PJA2: variants seen among roughly 807,000 people sequenced by gnomAD.
PJA2 encodes the protein E3 ubiquitin-protein ligase Praja-2.
A neutral mutation model predicts 69.3 loss-of-function variants in PJA2; 25 were observed. The observed-to-expected ratio is 0.36, with a 90% CI of 0.26 to 0.50. PJA2 has a LOEUF of 0.50. PJA2 is among the 20% of genes least tolerant of loss of function. The probability of loss-of-function intolerance (pLI) is 0.96; values close to 1 mark genes in which losing one functional copy is unlikely to be tolerated. For synonymous variants in PJA2, 308 were observed against 277.8 expected (o/e 1.11, Z -1.08); for missense variants, 809 against 830.2 (o/e 0.97, Z 0.31).
intron 5 of PJA2, among the ~76,000 whole-genome samples, chr5:109,365,179 C>T (rs2126999906): frequency 1.3e-5 from 2 of 152,270 alleles, no homozygotes; most frequent in African/African-American, 4.8e-5. Context: ...TTTTCTTCAG[C>T]ATTACTCACA....
At chr5:109,346,620 C>T (rs892054797) in intron 7 of PJA2, among the ~76,000 whole-genome samples, 3 of 152,144 alleles carry the variant, frequency 2.0e-5, no homozygotes, top group African/African-American at 7.2e-5. Context: ...CATGGATGAA[C>T]CTTGAAGACA....
chr5:109,358,691 C>G (rs528492941), intron 6 of PJA2, among the ~76,000 whole-genome samples: 2 of 152,216 alleles, frequency 1.3e-5, no homozygotes, highest in Admixed American at 1.3e-4. Context: ...ATTGGTAGCT[C>G]ATGCTTGTAG....
At position 109,353,824 on chromosome 5, in the gene PJA2, TGATATCTAGA is replaced by T. The variant is rs1394025813; in HGVS notation, c.1764+2081_1764+2090del. On this transcript the variant is annotated intron_variant, in intron 7 of 9. Transcript: ENST00000361189. ...GAGATATCTATAGATTAGATGTCTATGATATCTAGAGATATCTATAGATTAGATGTCTATG... is the reference window on the plus strand; with the variant it reads ...GAGATATCTATAGATTAGATGTCTATGATATCTATAGATTAGATGTCTATG... 2.2e-4 allele frequency among the ~76,000 whole-genome samples: 26 copies of T among 118,796 alleles called. No homozygotes were observed. The East Asian group carries it at 6.4e-3, about 29-fold the overall frequency. The allele number at this position is 118,796 out of a possible 152,430, so 77.9% of individuals were successfully genotyped here.
At chr5:109,341,534 G>A (rs1231310937) in intron 9 of PJA2, among the ~76,000 whole-genome samples, 27 of 135,798 alleles carry the variant, frequency 2.0e-4, no homozygotes, top group Admixed American at 1.4e-4. Context: ...CAGCCACCCC[G>A]TCCGGGAGGG....
At chr5:109,339,091 A>C (rs1254038488) in intron 9 of PJA2, among the ~76,000 whole-genome samples, 1 of 143,782 alleles carries the variant, frequency 7.0e-6, no homozygotes, top group East Asian at 2.2e-4. Context: ...GCAAGTGTAC[A>C]GAAAAGTAAA....
intron 9 of PJA2, among the ~76,000 whole-genome samples, chr5:109,341,880 G>A (rs1268911398): frequency 0.01 from 544 of 53,160 alleles, no homozygotes; most frequent in African/African-American, 0.017. Flanking sequence ...AGGTGGGGGG[G>A]TGAGCCCTCC....
At chr5:109,342,747 T>G (rs1351292227) in intron 9 of PJA2, among the ~76,000 whole-genome samples, 20 of 102,590 alleles carry the variant, frequency 1.9e-4, no homozygotes, top group Non-Finnish European at 3.0e-4. Context: ...GTCCGGGAGG[T>G]GAGGGGCGCC....
intron 1 of PJA2, among the ~76,000 whole-genome samples, chr5:109,399,670 A>T (rs1396674945): frequency 6.6e-6 from 1 of 152,196 alleles, no homozygotes; most frequent in South Asian, 2.1e-4. Context: ...ATTTGCCACA[A>T]TCTCTACTGT....
chr5:109,406,474 A>C (rs1415382962), intron 1 of PJA2, among the ~76,000 whole-genome samples: 2 of 152,220 alleles, frequency 1.3e-5, no homozygotes, highest in African/African-American at 4.8e-5. Flanking sequence ...CCAGTATGAT[A>C]CTACTATATA....
chr5:109,346,893 G>C (rs755584429), intron 7 of PJA2, among the ~76,000 whole-genome samples: 17 of 152,078 alleles, frequency 1.1e-4, no homozygotes, highest in Non-Finnish European at 2.4e-4. Flanking sequence ...GAACAAGCCA[G>C]GTTTCCCATA....
intron 1 of PJA2, among the ~76,000 whole-genome samples, chr5:109,387,224 GTTC>G (rs775635825): frequency 2.0e-4 from 31 of 151,904 alleles, no homozygotes; most frequent in Admixed American, 7.2e-4. Flanking sequence ...TTTAATAGTA[GTTC>G]TTGTGTTATG....
chr5:109,356,804 T>C (rs1762419866), intron 6 of PJA2, among the ~76,000 whole-genome samples: 1 of 152,182 alleles, frequency 6.6e-6, no homozygotes, highest in South Asian at 2.1e-4. Flanking sequence ...TCCATTATTA[T>C]ACAGCTTGAA....
chr5:109,394,894 T>C (rs1346311515), intron 1 of PJA2, among the ~76,000 whole-genome samples: 1 of 152,108 alleles, frequency 6.6e-6, no homozygotes, highest in Non-Finnish European at 1.5e-5. Flanking sequence ...CAAATAAAAA[T>C]GTCTTAACTC....
chr5:109,409,623 G>C (rs1747782057), intron 1 of PJA2, among the ~76,000 whole-genome samples: 1 of 151,966 alleles, frequency 6.6e-6, no homozygotes, highest in African/African-American at 2.4e-5. Context: ...AGCGCGGCCC[G>C]GGTCCGGGCT....
rs761324847 is a variant in PJA2 at position 109,344,303 on chromosome 5, G to C, written c.1888C>G (p.Gln630Glu). 6.3e-7 allele frequency: 1 copy of C among 1,588,216 alleles called. No individual in the cohort carries two copies. The highest frequency in any genetic ancestry group is 8.5e-7 in the Non-Finnish European group (1 of 1,171,252). The stretch of plus-strand genomic sequence containing the variant: ...CAACAGATTGGACAGCATTGTTCCT[G>C]ACCAATAGCTGAAAACAACAAATAA... ...LVLEDHTAIG[Q>E]EQCCPICCSE... The change falls in exon 9 of 10, where the codon CAG becomes GAG. Residue 630 changes from glutamine (Q) to glutamate (E), a missense_variant. Physicochemically the swap from Gln to Glu is conservative, Grantham distance 29 (BLOSUM62 2). Around this residue, in one of 4 missense-constraint regions of PJA2, gnomAD observed 55 missense variants for 90.7 expected, o/e 0.61. Coordinates refer to ENST00000361189, the MANE Select transcript of PJA2 (RefSeq NM_014819.5).
chr5:109,368,516 C>G, intron 5 of PJA2, 45 bp downstream of exon 5: 1 of 1,533,384 alleles, frequency 6.5e-7, no homozygotes. Context: ...AAATATACCA[C>G]TCTTGTACAA....
At chr5:109,381,736 C>G in intron 2 of PJA2, 33 bp from the exon 3 acceptor site, 1 of 1,589,610 alleles carries the variant, frequency 6.3e-7, no homozygotes, top group Non-Finnish European at 8.6e-7. Context: ...AAAACAGGAA[C>G]AGCAATGAGC....
In PJA2 at chr5:109,379,243, A is replaced by C. The variant is rs752994656; in HGVS notation, c.244T>G (p.Leu82Val). The C allele has an allele frequency of 1.7e-5, 27 of 1,603,510 alleles. No homozygotes were observed. Among genetic ancestry groups the C allele is most frequent in the Non-Finnish European group, 2.0e-5 (23 of 1,176,014 alleles). The change falls in exon 4 of 10, where the codon TTG (leucine) becomes GTG (valine). Residue 82 changes from leucine (L) to valine (V), a missense_variant. Physicochemically the swap from Leu to Val is conservative, Grantham distance 32. This residue lies in a region of PJA2 where 700 missense variants were observed against 639.5 expected (regional missense o/e 1.09). Transcript: ENST00000361189. ...PKENSSGSSP[L>V]DQVDSSLPSE... ...GGTAAAGAAGAATCAACTTGATCCAAAGGACTGGAACCTTCATAAAAAACA... is the reference window on the plus strand; with the variant it reads ...GGTAAAGAAGAATCAACTTGATCCACAGGACTGGAACCTTCATAAAAAACA...
At chr5:109,354,008 T>TAGATTAGATATCTATGATATCTAG in intron 7 of PJA2, among the ~76,000 whole-genome samples, 1 of 141,832 alleles carries the variant, frequency 7.1e-6, no homozygotes, top group South Asian at 2.3e-4. Flanking sequence ...GAGATATCTA[T>TAGATTAGATATCTATGATATCTAG]AGATTAGATA....
Sources: allele counts gnomAD v4.1 joint callset (sites outside exome capture counted in the v4.1 genomes callset), GRCh38; gene constraint gnomAD v4.1.1; regional missense constraint gnomAD v4.1.1; transcripts MANE v1.5; gene names NCBI Gene and HGNC (gene_info 2026-07-23, HGNC 2026-07-21).